Variants in PPEF2 observed in about 807,000 individuals in gnomAD.
PPEF2 encodes serine/threonine-protein phosphatase with EF-hands 2.
Under a neutral mutation model 84.7 loss-of-function variants are expected in PPEF2, and 84 were observed. The ratio of observed to expected loss-of-function variants is 0.99; its 90% CI spans 0.83 to 1.19. The LOEUF is 1.19. Among genes scored for constraint, PPEF2 ranks in the 50% most tolerant of loss-of-function variants. PPEF2 has a pLI of 0.00. For synonymous variants in PPEF2, 346 were observed against 345.2 expected, an observed-to-expected ratio of 1.00 and a Z score of -0.03; for missense variants, 924 against 937.5, an observed-to-expected ratio of 0.99 and a Z score of 0.19.
At chr4:75,901,983 GA>G (rs985894692) in intron 1 of PPEF2, among the ~76,000 whole-genome samples, 1 of 150,904 alleles carries the variant, frequency 6.6e-6, no homozygotes, top group Non-Finnish European at 1.5e-5. Flanking sequence ...CTCTTAGGTG[GA>G]AAAAAAAAGT....
chr4:75,883,468 G>A (rs575916377), intron 8 of PPEF2: 1 of 438,946 alleles, frequency 2.3e-6, no homozygotes, highest in South Asian at 3.9e-5. Flanking sequence ...TAGAGTATGT[G>A]TATGCAAAAA....
At chr4:75,868,156 C>CAA (rs61447349) in intron 13 of PPEF2, among the ~76,000 whole-genome samples, 143,351 of 145,868 alleles carry the variant, frequency 0.98, 70,464 homozygotes, top group South Asian at 1. Flanking sequence ...ACTCAAAGTA[C>CAA]AAAAAAAAAA....
intron 5 of PPEF2, among the ~76,000 whole-genome samples, chr4:75,888,835 G>A (rs962071977): frequency 6.6e-6 from 1 of 152,228 alleles, no homozygotes; most frequent in Non-Finnish European, 1.5e-5. Context: ...TTGGACGATT[G>A]CAGTAGTCTC....
intron 1 of PPEF2, among the ~76,000 whole-genome samples, chr4:75,900,122 T>C (rs530543429): frequency 6.6e-6 from 1 of 152,318 alleles, no homozygotes; most frequent in East Asian, 1.9e-4. Context: ...ACCAAAAATA[T>C]GTTCTTGGAG....
At chr4:75,892,056 G>T in intron 2 of PPEF2, 78 bp from the exon 3 acceptor site, 3 of 1,564,922 alleles carry the variant, frequency 1.9e-6, no homozygotes, top group African/African-American at 1.3e-5. Flanking sequence ...AGAGGAAGCT[G>T]CTCAGCCCTC....
chr4:75,861,614 G>GTTTTTTTTT (rs71210216), intron 16 of PPEF2, among the ~76,000 whole-genome samples: 3 of 86,146 alleles, frequency 3.5e-5, no homozygotes, highest in Non-Finnish European at 7.2e-5. Flanking sequence ...TTATGCAACA[G>GTTTTTTTTT]TTTTTTTTTT....
intron 14 of PPEF2, among the ~76,000 whole-genome samples, 198 bp downstream of exon 14, chr4:75,867,115 A>G (rs3817099): frequency 0.5 from 76,496 of 151,992 alleles, 21,100 homozygotes; most frequent in East Asian, 0.98. Context: ...GGCTAAGTTC[A>G]TATTTTGTTA....
At chr4:75,873,533 G>A (rs1254288923) in intron 11 of PPEF2, among the ~76,000 whole-genome samples, 2 of 152,086 alleles carry the variant, frequency 1.3e-5, no homozygotes, top group African/African-American at 4.8e-5. Flanking sequence ...CATATTTGTC[G>A]ACAAGCATAT....
Position 75,866,267 on chromosome 4 carries a change from C to G in PPEF2, c.1842G>C (p.Leu614=). ...GCATGTTGTCTGCTGAGCTGTTCAC[C>G]AGCTGTGGCCTCAGCATCCGCCATG... ...GLPWRMLRPQ[L]VNSSADNMLE... is the part of the protein sequence containing the mutation. The change falls in exon 15 of 17, where the codon CTG becomes CTC. Residue 614 remains leucine (L), a synonymous_variant. Transcript: ENST00000286719. 6.2e-7 allele frequency: 1 copy of G among 1,614,148 alleles called. No homozygotes were observed. Among genetic ancestry groups the G allele is most frequent in the Non-Finnish European group, 8.5e-7 (1 of 1,180,042 alleles).
At chr4:75,882,834 C>T in intron 10 of PPEF2, 92 bp downstream of exon 10, 1 of 1,379,364 alleles carries the variant, frequency 7.2e-7, no homozygotes. Context: ...CAGCCATAAT[C>T]AGTTGACTGC....
At chr4:75,877,727 C>A (rs1724465613) in intron 10 of PPEF2, among the ~76,000 whole-genome samples, 2 of 151,154 alleles carry the variant, frequency 1.3e-5, no homozygotes. Context: ...AGGTTTTTTA[C>A]ATAGGTACAC....
chr4:75,871,052 G>A (rs898806932), intron 13 of PPEF2, among the ~76,000 whole-genome samples: 3 of 151,808 alleles, frequency 2.0e-5, no homozygotes, highest in Admixed American at 6.6e-5. Context: ...CGTGTAGCTG[G>A]GATTACAGGC....
Position 75,888,234 on chromosome 4 carries a change from C to T in PPEF2, c.512G>A (p.Ser171Asn). ...PNINRVSTCYSEEITVCGDLH... is the reference protein window; with the variant it reads ...PNINRVSTCYNEEITVCGDLH... Reference sequence around the variant, plus strand: ...CTTACCACACACTGTGATCTCCTCACTGTAACAGGTTGAGACCCGGTTGAT... The same window carrying T: ...CTTACCACACACTGTGATCTCCTCATTGTAACAGGTTGAGACCCGGTTGAT... Residue 171 changes from serine to asparagine, a missense_variant, in exon 6 of 17, where the codon AGT becomes AAT. Transcript: ENST00000286719. 1 of 1,612,856 alleles carries T rather than the reference C, an allele frequency of 6.2e-7. No homozygotes were observed. Among genetic ancestry groups the T allele is most frequent in the Non-Finnish European group, 8.5e-7 (1 of 1,178,902 alleles).
At position 75,888,345 on chromosome 4, in the gene PPEF2, G is replaced by A. The variant is rs1560486789; in HGVS notation, c.418-17C>T. Reference sequence around the variant, plus strand: ...ATGGAGCTGCTACTGGGAGGAAGAGGAGGGAAGGAAGAAAACAACACTGAT... The same window carrying A: ...ATGGAGCTGCTACTGGGAGGAAGAGAAGGGAAGGAAGAAAACAACACTGAT... On this transcript the variant is annotated splice_polypyrimidine_tract_variant and intron_variant, in intron 5 of 16. Coordinates refer to ENST00000286719, the MANE Select transcript of PPEF2 (RefSeq NM_006239.3). 3.2e-6 allele frequency: 5 copies of A among 1,576,030 alleles called. No homozygotes were observed. The highest frequency in any genetic ancestry group is 4.4e-6 in the Non-Finnish European group (5 of 1,145,478).
At chr4:75,896,509 T>A (rs555040233) in intron 1 of PPEF2, 126 bp from the exon 2 acceptor site, 1 of 643,754 alleles carries the variant, frequency 1.6e-6, no homozygotes, top group African/African-American at 1.8e-5. Flanking sequence ...GCACAAGATG[T>A]TCCTCCCCTG....
chr4:75,881,618 C>T (rs1402447047), intron 10 of PPEF2: 1 of 152,176 alleles, frequency 6.6e-6, no homozygotes, highest in African/African-American at 2.4e-5. Flanking sequence ...AGTGAAAACA[C>T]TGAGTTTGGG....
Position 75,876,602 on chromosome 4 carries a change from G to A in PPEF2, c.1005C>T (p.Asn335=). The A allele has an allele frequency of 6.2e-7, 1 of 1,608,596 alleles. No homozygotes were observed. The highest frequency in any genetic ancestry group is 1.7e-4 in the Middle Eastern group (1 of 6,034). Residue 335 remains asparagine, a synonymous_variant, in exon 11 of 17, where the codon AAC becomes AAT. Transcript: ENST00000286719. ...TGGGTCCCTGTGCAGAGCTCTTCTG[G>A]TTGGCTCTTCTCTTCTCCTCCATCT... ...EKQMEEKRRA[N]QKSSAQGPIP...
intron 10 of PPEF2, among the ~76,000 whole-genome samples, chr4:75,877,938 A>G (rs1186479794): frequency 1.3e-5 from 2 of 152,232 alleles, no homozygotes; most frequent in African/African-American, 4.8e-5. Context: ...AGGATAGGAA[A>G]GGGCAACTCT....
At position 75,885,569 on chromosome 4, in the gene PPEF2, A is replaced by G. The variant is rs540758525; in HGVS notation, c.580-809T>C. Among the ~76,000 whole-genome samples, 188 of 152,336 alleles carry G rather than the reference A, an allele frequency of 1.2e-3. 1 individual carries two copies. The highest frequency in any genetic ancestry group is 4.2e-3 in the African/African-American group (176 of 41,574). ...TGCAACAGAGTAGCAAATATTATTA[A>G]AAATAATATCTTAGGCTGGGCACAG... On this transcript the variant is annotated intron_variant, in intron 7 of 16. Transcript: ENST00000286719.
Sources: allele counts gnomAD v4.1 joint callset (sites outside exome capture counted in the v4.1 genomes callset), GRCh38; gene constraint gnomAD v4.1.1; transcripts MANE v1.5; gene names NCBI Gene and HGNC (gene_info 2026-07-23, HGNC 2026-07-21).